The following PLEKHG1 variants were observed in gnomAD, a reference collection of about 807,000 sequenced individuals.
PLEKHG1 encodes the protein pleckstrin homology and RhoGEF domain containing G1.
Under a neutral mutation model 100.8 loss-of-function variants are expected in PLEKHG1, and 44 were observed. The observed-to-expected ratio is 0.44, with a 90% CI of 0.34 to 0.56. PLEKHG1 has a LOEUF of 0.56. PLEKHG1 is among the 20% of genes least tolerant of loss of function. PLEKHG1 has a pLI of 0.01. For missense variants in PLEKHG1, 1,545 were observed against 1,720.9 expected (o/e 0.90, Z 1.81); for synonymous variants, 640 against 662.5 (o/e 0.97, Z 0.52).
At chr6:150,666,087 A>G (rs139307539) in intron 3 of PLEKHG1, among the ~76,000 whole-genome samples, 55 of 152,356 alleles carry the variant, frequency 3.6e-4, no homozygotes, top group African/African-American at 1.3e-3. Flanking sequence ...ACAAAAGCAT[A>G]GCAACAGAAA....
At chr6:150,833,403 AT>A (rs1328973947) in intron 15 of PLEKHG1, among the ~76,000 whole-genome samples, 1 of 152,160 alleles carries the variant, frequency 6.6e-6, no homozygotes, top group Admixed American at 6.5e-5. Context: ...ACACTATCTC[AT>A]TTAGTATTTT....
At chr6:150,797,027 G>A (rs1012553569) in intron 5 of PLEKHG1, among the ~76,000 whole-genome samples, 3 of 151,732 alleles carry the variant, frequency 2.0e-5, no homozygotes, top group African/African-American at 4.8e-5. Flanking sequence ...GTCTCACTCC[G>A]CCACCCAGGC....
chr6:150,611,443 A>G (rs537230441), intron 1 of PLEKHG1, among the ~76,000 whole-genome samples: 1 of 152,368 alleles, frequency 6.6e-6, no homozygotes, highest in East Asian at 1.9e-4. Context: ...TTATTGAGAC[A>G]GATCTCCAAA....
chr6:150,687,944 A>G (rs1780199726), intron 3 of PLEKHG1, among the ~76,000 whole-genome samples: 1 of 152,252 alleles, frequency 6.6e-6, no homozygotes, highest in African/African-American at 2.4e-5. Flanking sequence ...AGTGGTTTCC[A>G]GCCATACTTT....
chr6:150,611,117 G>T (rs1358429107), intron 1 of PLEKHG1, among the ~76,000 whole-genome samples: 1 of 152,192 alleles, frequency 6.6e-6, no homozygotes, highest in Non-Finnish European at 1.5e-5. Flanking sequence ...CATGGTAACT[G>T]GCACACCATT....
At chr6:150,750,737 C>T (rs891074150) in intron 2 of PLEKHG1, among the ~76,000 whole-genome samples, 12 of 132,844 alleles carry the variant, frequency 9.0e-5, no homozygotes, top group Non-Finnish European at 1.8e-4. Context: ...GCCGAGATCC[C>T]GCCACTGCAC....
At chr6:150,674,684 C>CCTCT (rs1210102843) in intron 3 of PLEKHG1, among the ~76,000 whole-genome samples, 1 of 73,360 alleles carries the variant, frequency 1.4e-5, no homozygotes, top group Non-Finnish European at 2.7e-5. Context: ...TCTCTCTCTC[C>CCTCT]CCCCTCTTCT....
intron 3 of PLEKHG1, among the ~76,000 whole-genome samples, chr6:150,702,668 C>T (rs62434144): frequency 0.33 from 50,776 of 151,580 alleles, 9,317 homozygotes; most frequent in Non-Finnish European, 0.41. Flanking sequence ...AATCCCTTAA[C>T]ATGTAGTTAT....
At chr6:150,776,775 A>G (rs919629594) in intron 3 of PLEKHG1, among the ~76,000 whole-genome samples, 195 of 146,546 alleles carry the variant, frequency 1.3e-3, no homozygotes, top group Non-Finnish European at 1.9e-3. Context: ...CACTGATGCA[A>G]TCCTGGTGCA....
At chr6:150,820,897 C>T (rs1776256499) in intron 12 of PLEKHG1, among the ~76,000 whole-genome samples, 1 of 152,240 alleles carries the variant, frequency 6.6e-6, no homozygotes, top group Middle Eastern at 3.4e-3. Context: ...ACATCATCAG[C>T]TTATAGGTGT....
At chr6:150,805,984 G>A (rs1787064538) in intron 7 of PLEKHG1, among the ~76,000 whole-genome samples, 1 of 152,162 alleles carries the variant, frequency 6.6e-6, no homozygotes, top group African/African-American at 2.4e-5. Flanking sequence ...AAAACAAGAG[G>A]CTGCATGGGC....
At chr6:150,795,799 A>G in intron 4 of PLEKHG1, 57 bp from the exon 6 acceptor site, 1 of 959,406 alleles carries the variant, frequency 1.0e-6, no homozygotes, top group East Asian at 2.4e-5. Flanking sequence ...TTGTTTTCAA[A>G]TGAATGTTTA....
chr6:150,791,322 T>C lies in PLEKHG1; in HGVS notation c.583-4534T>C, dbSNP rs554873384. On this transcript the variant is annotated intron_variant, in intron 4 of 15. Transcript: ENST00000358517. ...TGTAAGATTAAAAATTGATTACCAA[T>C]GGAGGAATGGAGGGAACAGACTAGA... Among the ~76,000 whole-genome samples, 10 of 152,080 alleles carry C rather than the reference T, an allele frequency of 6.6e-5. No homozygotes were observed. In the South Asian group the frequency reaches 8.3e-4, roughly 13 times the overall value.
chr6:150,680,008 A>T (rs1354144186), intron 3 of PLEKHG1, among the ~76,000 whole-genome samples: 1 of 152,160 alleles, frequency 6.6e-6, no homozygotes, highest in Non-Finnish European at 1.5e-5. Flanking sequence ...GGGGGCCAGG[A>T]TGGGAACATG....
intron 2 of PLEKHG1, among the ~76,000 whole-genome samples, chr6:150,738,293 C>T (rs953486261): frequency 6.6e-6 from 1 of 152,202 alleles, no homozygotes; most frequent in East Asian, 1.9e-4. Flanking sequence ...CGTATAGATA[C>T]ATAATCCTTA....
chr6:150,621,920 G>C (rs150071006), intron 1 of PLEKHG1, among the ~76,000 whole-genome samples: 38 of 152,310 alleles, frequency 2.5e-4, no homozygotes, highest in African/African-American at 9.1e-4. Flanking sequence ...TCATTACCTG[G>C]TCTTACCGTG....
intron 1 of PLEKHG1, among the ~76,000 whole-genome samples, chr6:150,611,499 T>C (rs952847527): frequency 6.6e-6 from 1 of 152,164 alleles, no homozygotes; most frequent in African/African-American, 2.4e-5. Context: ...GGCTTACTTT[T>C]AGTTGCCGTG....
chr6:150,688,131 C>T (rs1027157878), intron 3 of PLEKHG1, among the ~76,000 whole-genome samples: 1 of 151,052 alleles, frequency 6.6e-6, no homozygotes, highest in Admixed American at 6.6e-5. Flanking sequence ...CTAGGCATTC[C>T]GTAAGAAGTG....
At chr6:150,804,167 A>ATG (rs1562532311) in intron 6 of PLEKHG1, among the ~76,000 whole-genome samples, 4 of 36,744 alleles carry the variant, frequency 1.1e-4, no homozygotes, top group Non-Finnish European at 2.4e-4. Flanking sequence ...ATATATATAT[A>ATG]TATATATATT....
Sources: allele counts gnomAD v4.1 joint callset (sites outside exome capture counted in the v4.1 genomes callset), GRCh38; gene constraint gnomAD v4.1.1; transcripts MANE v1.5; gene names NCBI Gene and HGNC (gene_info 2026-07-23, HGNC 2026-07-21).